NLRP1: variants seen among roughly 807,000 people sequenced by gnomAD.
NLRP1 encodes NLR family pyrin domain containing 1.
In NLRP1, 94 loss-of-function variants were observed where a neutral mutation model predicts 136.7. That is an observed-to-expected ratio of 0.69 (90% CI 0.58 to 0.82). The LOEUF is 0.82. Ranked by LOEUF, NLRP1 falls within the 40% of genes least tolerant of loss-of-function variation. The probability of loss-of-function intolerance (pLI) is 0.00; values close to 1 mark genes in which losing one functional copy is unlikely to be tolerated. For synonymous variants in NLRP1, 690 were observed against 725.1 expected, an observed-to-expected ratio of 0.95 and a Z score of 0.78; for missense variants, 1,575 against 1,802.7, an observed-to-expected ratio of 0.87 and a Z score of 2.29.
chr17:5,543,538 T>C (rs1912146790), intron 5 of NLRP1, among the ~76,000 whole-genome samples: 3 of 152,064 alleles, frequency 2.0e-5, no homozygotes, highest in African/African-American at 7.2e-5. Flanking sequence ...TGAAAGTTCC[T>C]GAGGCCAGCA....
chr17:5,507,596 G>T (rs1168243786), intron 15 of NLRP1, among the ~76,000 whole-genome samples: 1 of 152,158 alleles, frequency 6.6e-6, no homozygotes, highest in East Asian at 1.9e-4. Flanking sequence ...AGGCCGAGGC[G>T]GGTAGATCAC....
intron 5 of NLRP1, among the ~76,000 whole-genome samples, chr17:5,550,020 C>A (rs1000071791): frequency 1.3e-5 from 2 of 152,158 alleles, no homozygotes; most frequent in Admixed American, 1.3e-4. Context: ...CTAGGTTAAA[C>A]CCAATTTGCA....
At chr17:5,553,128 G>A (rs188599245) in intron 5 of NLRP1, among the ~76,000 whole-genome samples, 1 of 151,980 alleles carries the variant, frequency 6.6e-6, no homozygotes, top group Non-Finnish European at 1.5e-5. Context: ...TCTTTTCCTG[G>A]AACTTTTTCC....
chr17:5,567,593 G>A (rs1187716282), intron 3 of NLRP1, among the ~76,000 whole-genome samples: 1 of 152,056 alleles, frequency 6.6e-6, no homozygotes, highest in Non-Finnish European at 1.5e-5. Context: ...TAGGGTAAGA[G>A]AGGTTATACA....
At chr17:5,520,256 G>A (rs1007729513) in intron 14 of NLRP1, among the ~76,000 whole-genome samples, 6 of 152,282 alleles carry the variant, frequency 3.9e-5, no homozygotes, top group African/African-American at 1.4e-4. Flanking sequence ...GGGCAGATGA[G>A]GCCTGGTAAG....
intron 3 of NLRP1, among the ~76,000 whole-genome samples, chr17:5,573,481 C>T (rs1207915447): frequency 1.3e-5 from 2 of 152,198 alleles, no homozygotes; most frequent in Non-Finnish European, 2.9e-5. Context: ...GTTCTCCCAG[C>T]ATGGAGTTTG....
In NLRP1 at chr17:5,558,963, C is replaced by A. The variant is rs763921064; in HGVS notation, c.1733G>T (p.Gly578Val). 10 of 1,614,028 alleles carry A rather than the reference C, an allele frequency of 6.2e-6. No individual in the cohort carries two copies. Among genetic ancestry groups the A allele is most frequent in the African/African-American group, 1.3e-5 (1 of 74,992 alleles). ...LRDLCSLAAE[G>V]IWQKKTLFSP... ...GAAAAGGGTCTTTTTTTGCCAGATG[C>A]CCTCAGCAGCCAGAGAGCAGAGGTC... Residue 578 changes from glycine (G) to valine (V), a missense_variant, in exon 4 of 17, where the codon GGC becomes GTC. Physicochemically the swap from Gly to Val is moderately radical, Grantham distance 109. Transcript: ENST00000572272.
intron 4 of NLRP1, among the ~76,000 whole-genome samples, chr17:5,556,208 G>C (rs545718952): frequency 6.6e-6 from 1 of 152,012 alleles, no homozygotes; most frequent in South Asian, 2.1e-4. Flanking sequence ...CCAGCACTTT[G>C]GGAGGTCAAG....
chr17:5,577,455 C>T (rs1046092304), intron 3 of NLRP1, among the ~76,000 whole-genome samples: 1 of 152,196 alleles, frequency 6.6e-6, no homozygotes, highest in African/African-American at 2.4e-5. Flanking sequence ...CACAAGCATT[C>T]TTACACACCA....
At chr17:5,517,362 C>CCGCCCG (rs1555542066) in intron 15 of NLRP1, among the ~76,000 whole-genome samples, 1 of 61,564 alleles carries the variant, frequency 1.6e-5, no homozygotes, top group Non-Finnish European at 3.8e-5. Flanking sequence ...CCCCCCCCCT[C>CCGCCCG]CCACATACAC....
intron 8 of NLRP1, among the ~76,000 whole-genome samples, chr17:5,535,563 G>A (rs1217087069): frequency 2.0e-5 from 3 of 152,202 alleles, no homozygotes; most frequent in African/African-American, 4.8e-5. Flanking sequence ...GTGCATTTGC[G>A]CAGACACTTC....
chr17:5,514,769 C>G lies in NLRP1; in HGVS notation c.4407G>C (p.Leu1469=), dbSNP rs766667322. ...LWEKGSKKGL[L]PLSS is the part of the protein sequence containing the mutation. ...TGTTGATACTTCAGCTGCTGAGTGG[C>G]AGGAGTCCCTTTTTGCTGCCCTTCT... Residue 1469 remains leucine, a synonymous_variant, in exon 17 of 17, where the codon CTG becomes CTC. Coordinates refer to ENST00000572272, the MANE Select transcript of NLRP1 (RefSeq NM_033004.4). 1.4e-5 allele frequency: 22 copies of G among 1,613,954 alleles called. No homozygotes were observed. The Admixed American group carries it at 3.0e-4, about 22-fold the overall frequency.
chr17:5,563,603 C>G (rs1388684236), intron 3 of NLRP1, among the ~76,000 whole-genome samples: 1 of 152,188 alleles, frequency 6.6e-6, no homozygotes, highest in Non-Finnish European at 1.5e-5. Flanking sequence ...ATGAACAACA[C>G]CTCTGAGGAA....
chr17:5,568,158 A>G (rs1423259063), intron 3 of NLRP1, among the ~76,000 whole-genome samples: 1 of 151,836 alleles, frequency 6.6e-6, no homozygotes, highest in Non-Finnish European at 1.5e-5. Context: ...TATTTCTTTC[A>G]CTACCTCCTC....
chr17:5,553,013 C>G (rs1913563152), intron 5 of NLRP1, among the ~76,000 whole-genome samples: 1 of 147,294 alleles, frequency 6.8e-6, no homozygotes. Context: ...TATCTGTAGC[C>G]TTATCTCAAC....
intron 16 of NLRP1, among the ~76,000 whole-genome samples, 181 bp from the exon 17 acceptor site, chr17:5,515,254 C>A (rs1325963745): frequency 6.6e-6 from 1 of 152,162 alleles, no homozygotes; most frequent in Non-Finnish European, 1.5e-5. Context: ...GAGTGGGGTT[C>A]CTGCTGGGCA....
At chr17:5,510,731 T>C (rs1907583887), downstream of NLRP1, among the ~76,000 whole-genome samples, 1 of 152,212 alleles carries the variant, frequency 6.6e-6, no homozygotes, top group Non-Finnish European at 1.5e-5. Context: ...CAGGCTGGTC[T>C]TGAACTCCTG....
In NLRP1 at chr17:5,541,239, T is replaced by TTTCA. The variant is rs1343768670; in HGVS notation, c.2699+614_2699+617dup. Among the ~76,000 whole-genome samples the TTTCA allele has an allele frequency of 6.6e-6, 1 of 152,036 alleles. No homozygotes were observed. Among genetic ancestry groups the TTTCA allele is most frequent in the African/African-American group, 2.4e-5 (1 of 41,396 alleles). ...TTGTGTAGTTTTAGTAGAGACAAGGTTTCACCATGTTGGCTAGGCTGGTCT... is the reference window on the plus strand; with the variant it reads ...TTGTGTAGTTTTAGTAGAGACAAGGTTTCATTCACCATGTTGGCTAGGCTGGTCT... On this transcript the variant is annotated intron_variant, in intron 6 of 16. Coordinates refer to ENST00000572272, the MANE Select transcript of NLRP1 (RefSeq NM_033004.4). The surrounding 1 kb of genome is among the most constrained non-coding windows in gnomAD (Gnocchi z 4.2).
intron 3 of NLRP1, among the ~76,000 whole-genome samples, chr17:5,575,986 C>G (rs959860092): frequency 6.6e-6 from 1 of 152,170 alleles, no homozygotes; most frequent in Non-Finnish European, 1.5e-5. Flanking sequence ...CAAAACCGCT[C>G]AACTACATGG....
Sources: gnomAD v4.1 joint callset for allele counts (sites outside exome capture counted in the v4.1 genomes callset) on GRCh38, gnomAD v4.1.1 for gene constraint, Gnocchi (gnomAD v3.1) non-coding constraint, MANE v1.5 for transcripts, NCBI Gene and HGNC (gene_info 2026-07-23, HGNC 2026-07-21) for gene names.